The following RPS6KA5 variants were observed in gnomAD, a reference collection of about 807,000 sequenced individuals.
The protein encoded by RPS6KA5 is ribosomal protein S6 kinase A5, also known as ribosomal protein S6 kinase alpha-5.
Under a neutral mutation model 85.5 loss-of-function variants are expected in RPS6KA5, and 27 were observed. That is an observed-to-expected ratio of 0.32 (90% CI 0.23 to 0.44). The LOEUF (loss-of-function observed/expected upper bound fraction) is 0.44. RPS6KA5 is among the 20% of genes least tolerant of loss of function. RPS6KA5 has a pLI of 1.00. For synonymous variants in RPS6KA5, 334 were observed against 348.2 expected (o/e 0.96, Z 0.46); for missense variants, 811 against 980.9 (o/e 0.83, Z 2.31).
intron 3 of RPS6KA5, among the ~76,000 whole-genome samples, chr14:90,966,658 G>A (rs1203229719): frequency 2.0e-5 from 3 of 152,182 alleles, no homozygotes; most frequent in Admixed American, 6.5e-5. Flanking sequence ...TGGCACCAAA[G>A]AGGCAGACTA....
At chr14:90,875,140 C>T in intron 15 of RPS6KA5, 61 bp downstream of exon 15, 3 of 1,466,532 alleles carry the variant, frequency 2.0e-6, no homozygotes, top group Non-Finnish European at 2.8e-6. Context: ...TGTGTAATGG[C>T]CATGATTCTA....
intron 3 of RPS6KA5, among the ~76,000 whole-genome samples, chr14:90,968,092 GT>G (rs2039155658): frequency 6.6e-6 from 1 of 152,190 alleles, no homozygotes; most frequent in East Asian, 1.9e-4. Flanking sequence ...AAATCAAGGT[GT>G]CAGCAGGACT....
intron 1 of RPS6KA5, among the ~76,000 whole-genome samples, chr14:91,026,148 C>T (rs888573943): frequency 5.7e-4 from 87 of 152,218 alleles, no homozygotes; most frequent in African/African-American, 1.9e-3. Context: ...CATCCAACTG[C>T]ATCCATGTTG....
intron 1 of RPS6KA5, among the ~76,000 whole-genome samples, chr14:91,023,561 C>T (rs903813375): frequency 2.6e-5 from 4 of 151,984 alleles, no homozygotes; most frequent in Non-Finnish European, 4.4e-5. Context: ...CTGGGATTAC[C>T]GGCATGAGCC....
chr14:90,963,797 C>T (rs1368644373), intron 3 of RPS6KA5, among the ~76,000 whole-genome samples: 6 of 152,072 alleles, frequency 3.9e-5, no homozygotes, highest in African/African-American at 1.4e-4. Context: ...TATTGAAACC[C>T]AGCAACCCAG....
chr14:91,059,778 G>A (rs1356768152), intron 1 of RPS6KA5, among the ~76,000 whole-genome samples: 1 of 152,204 alleles, frequency 6.6e-6, no homozygotes, highest in Non-Finnish European at 1.5e-5. Context: ...CCTGGAGCCG[G>A]CGATTCCTGT....
intron 5 of RPS6KA5, among the ~76,000 whole-genome samples, chr14:90,940,728 T>C (rs377341196): frequency 2.6e-5 from 4 of 152,090 alleles, no homozygotes; most frequent in Non-Finnish European, 4.4e-5. Flanking sequence ...TGCGGCCTGT[T>C]AGGAACCAGG....
In RPS6KA5 at chr14:90,906,259, T is replaced by G; in HGVS notation, c.847A>C (p.Ser283Arg). 1.2e-6 allele frequency: 2 copies of G among 1,611,736 alleles called. No homozygotes were observed. The highest frequency in any genetic ancestry group is 1.7e-6 in the Non-Finnish European group (2 of 1,178,364). The change falls in exon 8 of 17, where the codon AGT becomes CGT. Residue 283 changes from serine to arginine, a missense_variant. By Grantham distance (110) the Ser-to-Arg change is moderately radical (BLOSUM62 -1). This residue lies in a region of RPS6KA5 where 650 missense variants were observed against 793.4 expected (regional missense o/e 0.82). Coordinates refer to ENST00000614987, the MANE Select transcript of RPS6KA5 (RefSeq NM_004755.4). ...TGAATTAGGTCTTTCGCTAAAGCACTCATTTCTTGGGGATATGGAGGCTCA... is the reference window on the plus strand; with the variant it reads ...TGAATTAGGTCTTTCGCTAAAGCACGCATTTCTTGGGGATATGGAGGCTCA... ...KSEPPYPQEMSALAKDLIQRL... is the reference protein window; with the variant it reads ...KSEPPYPQEMRALAKDLIQRL...
intron 13 of RPS6KA5, chr14:90,893,906 T>C (rs1432209191): frequency 2.2e-5 from 14 of 640,362 alleles, no homozygotes; most frequent in Non-Finnish European, 2.7e-5. Context: ...ATAAATATTA[T>C]AGCACGATCA....
At chr14:90,997,453 A>T (rs1272243172) in intron 2 of RPS6KA5, among the ~76,000 whole-genome samples, 1 of 152,098 alleles carries the variant, frequency 6.6e-6, no homozygotes, top group Non-Finnish European at 1.5e-5. Flanking sequence ...CAATCATGGC[A>T]TACTGCAGCC....
At chr14:91,004,083 GT>G (rs1187020686) in intron 1 of RPS6KA5, among the ~76,000 whole-genome samples, 3 of 152,180 alleles carry the variant, frequency 2.0e-5, no homozygotes, top group East Asian at 1.9e-4. Flanking sequence ...CTTGTTTTTT[GT>G]TTTGTTTTTT....
rs200117367 is a variant in RPS6KA5, at chr14:91,020,884, AT to A, written c.104-19726del. Among the ~76,000 whole-genome samples, 921 of 151,968 alleles carry A rather than the reference AT, an allele frequency of 6.1e-3. 4 individuals carry two copies. Among genetic ancestry groups the A allele is most frequent in the Admixed American group, 0.014 (206 of 15,250 alleles). On this transcript the variant is annotated intron_variant, in intron 1 of 16. Transcript: ENST00000614987. Reference sequence around the variant, plus strand: ...GAATATTGTTTTTTATTTAAATATAATTTTTTGTTTCACTGGCACTTCATCA... The same window carrying A: ...GAATATTGTTTTTTATTTAAATATAATTTTTGTTTCACTGGCACTTCATCA...
intron 2 of RPS6KA5, among the ~76,000 whole-genome samples, chr14:91,000,647 A>G (rs2040748593): frequency 6.6e-6 from 1 of 152,082 alleles, no homozygotes; most frequent in Non-Finnish European, 1.5e-5. Flanking sequence ...TACTAAAAAT[A>G]CAAAATTAGC....
intron 3 of RPS6KA5, among the ~76,000 whole-genome samples, chr14:90,975,700 T>C (rs1393130664): frequency 2.0e-5 from 3 of 152,172 alleles, no homozygotes; most frequent in Non-Finnish European, 4.4e-5. Context: ...GGACCAAGTG[T>C]ATAGCACGAT....
intron 6 of RPS6KA5, among the ~76,000 whole-genome samples, chr14:90,922,358 G>C (rs536677170): frequency 1.3e-5 from 2 of 152,284 alleles, no homozygotes; most frequent in East Asian, 1.9e-4. Flanking sequence ...ACTCAGACAG[G>C]AACAATGTGC....
intron 2 of RPS6KA5, among the ~76,000 whole-genome samples, chr14:90,979,837 T>C (rs2039718053): frequency 6.6e-6 from 1 of 152,230 alleles, no homozygotes; most frequent in Non-Finnish European, 1.5e-5. Context: ...GTTACAGAAC[T>C]GGCCCAAAGA....
At chr14:90,929,519 C>T (rs1451391046) in intron 5 of RPS6KA5, among the ~76,000 whole-genome samples, 1 of 151,812 alleles carries the variant, frequency 6.6e-6, no homozygotes, top group African/African-American at 2.4e-5. Flanking sequence ...ATAATTGAAA[C>T]AAAATGTATA....
At chr14:91,036,400 C>T (rs1371421016) in intron 1 of RPS6KA5, among the ~76,000 whole-genome samples, 1 of 152,166 alleles carries the variant, frequency 6.6e-6, no homozygotes, top group East Asian at 1.9e-4. Context: ...AGTATTTTTA[C>T]CACTCTAAGT....
rs535279259 is a variant in RPS6KA5 at position 90,914,425 on chromosome 14, C to T, written c.806+5781G>A. ...CGCCCCCAGGGTTCCAACGATTCTC[C>T]TGCCTCAGCCTCCTGAGTAGCTGGA... On this transcript the variant is annotated intron_variant, in intron 7 of 16. Coordinates refer to ENST00000614987, the MANE Select transcript of RPS6KA5 (RefSeq NM_004755.4). 3.8e-4 allele frequency among the ~76,000 whole-genome samples: 56 copies of T among 147,606 alleles called. No homozygotes were observed. In the South Asian group the frequency reaches 0.012, roughly 31 times the overall value.
Sources: allele counts gnomAD v4.1 joint callset (sites outside exome capture counted in the v4.1 genomes callset), GRCh38; gene constraint gnomAD v4.1.1; regional missense constraint gnomAD v4.1.1; transcripts MANE v1.5; gene names NCBI Gene and HGNC (gene_info 2026-07-23, HGNC 2026-07-21).